The following IGSF5 variants were observed in gnomAD, a reference collection of about 807,000 sequenced individuals.
IGSF5 encodes immunoglobulin superfamily member 5.
IGSF5 carries 41 observed loss-of-function variants against 39.4 expected under a neutral mutation model. That is an observed-to-expected ratio of 1.04 (90% CI 0.81 to 1.35). IGSF5 has a LOEUF of 1.35. IGSF5 is among the 40% of genes most tolerant of loss of function. The pLI is 0.00. For synonymous variants in IGSF5, 183 were observed against 175.3 expected (o/e 1.04, Z -0.34); for missense variants, 487 against 494.6 (o/e 0.98, Z 0.15).
At chr21:39,734,298 C>G in the IGSF5 span, among the ~76,000 whole-genome samples, 1 of 151,776 alleles carries the variant, frequency 6.6e-6, no homozygotes, top group African/African-American at 2.4e-5. Context: ...TGGCACGTAC[C>G]TGTAGTCCCA....
chr21:39,781,665 C>A (rs2080171262), intron 5 of IGSF5, among the ~76,000 whole-genome samples: 1 of 152,130 alleles, frequency 6.6e-6, no homozygotes, highest in African/African-American at 2.4e-5. Context: ...TTTATGCCAA[C>A]CTGGAAAGTA....
At chr21:39,774,817 T>C (rs1391615801) in intron 4 of IGSF5, among the ~76,000 whole-genome samples, 5 of 152,210 alleles carry the variant, frequency 3.3e-5, no homozygotes, top group Admixed American at 2.6e-4. Context: ...TTTTGAGAAA[T>C]GGCAATTTTG....
chr21:39,720,765 A>G, the IGSF5 span, among the ~76,000 whole-genome samples: 5 of 152,202 alleles, frequency 3.3e-5, no homozygotes, highest in African/African-American at 1.2e-4. Context: ...GTTCTCATCA[A>G]TTGTGACATG....
chr21:39,760,685 T>C (rs6517567), intron 2 of IGSF5, among the ~76,000 whole-genome samples: 124,448 of 151,702 alleles, frequency 0.82, 51,220 homozygotes, highest in Admixed American at 0.86. Flanking sequence ...ATTCTCCTGC[T>C]TCAGCCTCCC....
At chr21:39,791,668 ATT>A (rs982625726) in intron 6 of IGSF5, 3 of 210,726 alleles carry the variant, frequency 1.4e-5, no homozygotes, top group Admixed American at 5.4e-5. Flanking sequence ...ATGAAACTTT[ATT>A]TACAAAAACA....
At chr21:39,725,193 G>A in the IGSF5 span, among the ~76,000 whole-genome samples, 1 of 152,332 alleles carries the variant, frequency 6.6e-6, no homozygotes, top group Non-Finnish European at 1.5e-5. Flanking sequence ...TGCCCATCTG[G>A]CATGTAAAAC....
the IGSF5 span, among the ~76,000 whole-genome samples, chr21:39,731,022 T>C: frequency 6.6e-6 from 1 of 152,222 alleles, no homozygotes; most frequent in African/African-American, 2.4e-5. Flanking sequence ...CAGAGTGTCC[T>C]GACAAGGTCT....
In IGSF5 at chr21:39,779,253, T is replaced by G; in HGVS notation, c.882T>G (p.Cys294Trp). Residue 294 changes from cysteine (C) to tryptophan (W), a missense_variant, in exon 5 of 9, where the codon TGT (cysteine) becomes TGG (tryptophan). Transcript: ENST00000380588. The stretch of plus-strand genomic sequence containing the variant: ...GCTGCTGCTGCTGCCGCCGTCGTTG[T>G]TGTGGCTGCAACTGCTGCTGCCGTT... ...TIRCCCCRRRCCGCNCCCRCC... is the reference protein window; with the variant it reads ...TIRCCCCRRRWCGCNCCCRCC... 1 of 1,613,690 alleles carries G rather than the reference T, an allele frequency of 6.2e-7. No homozygotes were observed. Among genetic ancestry groups the G allele is most frequent in the African/African-American group, 1.3e-5 (1 of 75,036 alleles).
chr21:39,769,467 C>CAAAA (rs34427585), intron 3 of IGSF5, among the ~76,000 whole-genome samples: 1 of 79,828 alleles, frequency 1.3e-5, no homozygotes, highest in African/African-American at 4.7e-5. Context: ...AAGTCTGTCT[C>CAAAA]AAAAAAAAAA....
In IGSF5 at chr21:39,799,878, G is replaced by A. The variant is rs16998559; in HGVS notation, c.1129-1384G>A. Reference sequence around the variant, plus strand: ...TCAATCATGGATTAAATTGTAAGAAGGGTCAGAAGGAAAAAAGAGATTCAT... The same window carrying A: ...TCAATCATGGATTAAATTGTAAGAAAGGTCAGAAGGAAAAAAGAGATTCAT... On this transcript the variant is annotated intron_variant, in intron 8 of 8. Coordinates refer to ENST00000380588, the MANE Select transcript of IGSF5 (RefSeq NM_001080444.2). Among the ~76,000 whole-genome samples, 676 of 152,114 alleles carry A rather than the reference G, an allele frequency of 4.4e-3. 5 individuals are homozygous for A. Among genetic ancestry groups the A allele is most frequent in the African/African-American group, 0.015 (606 of 41,478 alleles).
At chr21:39,772,042 C>A (rs1415159425) in intron 4 of IGSF5, among the ~76,000 whole-genome samples, 1 of 152,186 alleles carries the variant, frequency 6.6e-6, no homozygotes, top group Non-Finnish European at 1.5e-5. Context: ...TACCTGAGAT[C>A]TTCCAAAGTT....
chr21:39,796,153 G>A (rs1010412158), intron 8 of IGSF5, among the ~76,000 whole-genome samples: 9 of 152,148 alleles, frequency 5.9e-5, no homozygotes. Flanking sequence ...TGGAAAGGCT[G>A]GGCCTGGGGA....
intron 3 of IGSF5, among the ~76,000 whole-genome samples, chr21:39,768,695 C>T (rs1259581519): frequency 1.3e-5 from 2 of 152,214 alleles, no homozygotes; most frequent in Non-Finnish European, 2.9e-5. Flanking sequence ...AAAACAAACA[C>T]AAAACCCTTT....
At chr21:39,750,280 G>T (rs570924130) in intron 2 of IGSF5, among the ~76,000 whole-genome samples, 3 of 152,016 alleles carry the variant, frequency 2.0e-5, no homozygotes, top group African/African-American at 7.2e-5. Flanking sequence ...TCTTCCATTG[G>T]TGCCTATTAC....
At chr21:39,763,623 T>A (rs1452640112) in intron 2 of IGSF5, among the ~76,000 whole-genome samples, 1 of 152,144 alleles carries the variant, frequency 6.6e-6, no homozygotes, top group African/African-American at 2.4e-5. Flanking sequence ...CTTGTTCTGT[T>A]GGCATTGTGT....
At chr21:39,762,742 C>T (rs2080067278) in intron 2 of IGSF5, among the ~76,000 whole-genome samples, 1 of 152,074 alleles carries the variant, frequency 6.6e-6, no homozygotes, top group African/African-American at 2.4e-5. Flanking sequence ...ATGCCAGAGT[C>T]AGGTTGGAAA....
intron 2 of IGSF5, among the ~76,000 whole-genome samples, chr21:39,760,478 G>C (rs535107619): frequency 6.6e-6 from 1 of 152,314 alleles, no homozygotes; most frequent in East Asian, 1.9e-4. Flanking sequence ...GCCAGAAAGA[G>C]TTGATGAGGT....
intron 5 of IGSF5, among the ~76,000 whole-genome samples, chr21:39,785,975 T>TA (rs1259707212): frequency 6.6e-6 from 1 of 152,146 alleles, no homozygotes; most frequent in Non-Finnish European, 1.5e-5. Context: ...ATTAAAGACT[T>TA]AAACGTTAGA....
intron 4 of IGSF5, among the ~76,000 whole-genome samples, chr21:39,776,567 G>A (rs1399958743): frequency 6.6e-6 from 1 of 152,150 alleles, no homozygotes; most frequent in Non-Finnish European, 1.5e-5. Context: ...CTGGCCCTCA[G>A]TCTCTCCCTT....
Sources: gnomAD v4.1 joint callset for allele counts (sites outside exome capture counted in the v4.1 genomes callset) on GRCh38, gnomAD v4.1.1 for gene constraint, MANE v1.5 for transcripts, NCBI Gene and HGNC (gene_info 2026-07-23, HGNC 2026-07-21) for gene names.